TSTD2: variants seen among roughly 807,000 people sequenced by gnomAD.
TSTD2 encodes the protein thiosulfate sulfurtransferase/rhodanese-like domain-containing protein 2.
In TSTD2, 37 loss-of-function variants were observed where a neutral mutation model predicts 47.9. The ratio of observed to expected loss-of-function variants is 0.77; its 90% CI spans 0.59 to 1.02. The LOEUF is 1.02. Among genes scored for constraint, TSTD2 ranks in the 50% least tolerant of loss-of-function variants. TSTD2 has a pLI of 0.00. For missense variants in TSTD2, 586 were observed against 616.0 expected (o/e 0.95, Z 0.52); for synonymous variants, 201 against 215.9 (o/e 0.93, Z 0.61).
intron 4 of TSTD2, among the ~76,000 whole-genome samples, chr9:97,616,628 A>T (rs1826546395): frequency 1.3e-5 from 2 of 152,208 alleles, no homozygotes; most frequent in South Asian, 4.1e-4. Context: ...TGAAGTCATT[A>T]TCTGTTGGAA....
chr9:97,608,282 A>G (rs1347870867), intron 6 of TSTD2, among the ~76,000 whole-genome samples: 1 of 152,196 alleles, frequency 6.6e-6, no homozygotes, highest in Non-Finnish European at 1.5e-5. Flanking sequence ...CTATGATTGC[A>G]GTTGTTCTAC....
In TSTD2 at chr9:97,601,561, C is replaced by G. The variant is rs561607179; in HGVS notation, c.*908G>C. 387 of 988,378 alleles carry G rather than the reference C, an allele frequency of 3.9e-4. No homozygotes were observed. The highest frequency in any genetic ancestry group is 4.4e-4 in the Non-Finnish European group (365 of 831,884). 61.2% of individuals were successfully genotyped at this position (988,378 alleles called of 1,614,324 possible). ...GCCACATCTTTAAGGCCACCTCTGC[C>G]TCTATCAGATGAGCTGCTGGTCTAG... On this transcript the variant is annotated 3_prime_UTR_variant, in exon 10 of 10. Transcript: ENST00000341170.
intron 4 of TSTD2, among the ~76,000 whole-genome samples, chr9:97,613,148 T>A (rs1826485299): frequency 6.6e-6 from 1 of 152,184 alleles, no homozygotes; most frequent in Non-Finnish European, 1.5e-5. Flanking sequence ...TTTCTTTATA[T>A]GAATAAAAAG....
At chr9:97,632,237 T>C (rs945736300) in intron 1 of TSTD2, among the ~76,000 whole-genome samples, 5 of 152,126 alleles carry the variant, frequency 3.3e-5, no homozygotes, top group Admixed American at 2.0e-4. Context: ...CCAGAGACCT[T>C]CAGGTAAAGG....
At chr9:97,605,209 A>G (rs146667454) in intron 8 of TSTD2, among the ~76,000 whole-genome samples, 1 of 152,358 alleles carries the variant, frequency 6.6e-6, no homozygotes, top group Non-Finnish European at 1.5e-5. Context: ...CTCAGGATCA[A>G]GCAAAAGGAT....
intron 1 of TSTD2, among the ~76,000 whole-genome samples, chr9:97,630,014 T>G (rs1241196849): frequency 6.6e-6 from 1 of 152,238 alleles, no homozygotes; most frequent in Non-Finnish European, 1.5e-5. Flanking sequence ...CCTCCCCATA[T>G]GCTTACTATG....
At position 97,602,652 on chromosome 9, in the gene TSTD2, A is replaced by G. The variant is rs1296072799; in HGVS notation, c.1368T>C (p.Cys456=). ...TGCTCCCCTTGTCTTGACATGTGAC[A>G]CAACAGGCTGTGAATCCTTGTCCTT... ...ACQGQGFTAC[C]VTCQDKGSRK... is the part of the protein sequence containing the mutation. Residue 456 remains cysteine (C), a synonymous_variant, in exon 10 of 10, where the codon TGT becomes TGC. Transcript: ENST00000341170. The G allele has an allele frequency of 1.2e-6, 2 of 1,614,222 alleles. No homozygotes were observed. Among genetic ancestry groups the G allele is most frequent in the Non-Finnish European group, 1.7e-6 (2 of 1,180,036 alleles).
intron 3 of TSTD2, among the ~76,000 whole-genome samples, chr9:97,620,634 C>A (rs1039190648): frequency 6.6e-6 from 1 of 152,188 alleles, no homozygotes; most frequent in Non-Finnish European, 1.5e-5. Context: ...CAATGAACTT[C>A]AGGCTGAGGT....
intron 6 of TSTD2, among the ~76,000 whole-genome samples, chr9:97,608,518 C>G (rs563737889): frequency 9.4e-4 from 143 of 152,192 alleles, no homozygotes; most frequent in Middle Eastern, 6.8e-3. Flanking sequence ...CACTTGTAAT[C>G]CCAGCAACTT....
intron 3 of TSTD2, among the ~76,000 whole-genome samples, chr9:97,625,021 A>C (rs1392374082): frequency 6.6e-6 from 1 of 152,194 alleles, no homozygotes; most frequent in Non-Finnish European, 1.5e-5. Context: ...TCTTAAGTGT[A>C]AAGTTTGATC....
chr9:97,613,558 G>A (rs1826492850), intron 4 of TSTD2, among the ~76,000 whole-genome samples: 1 of 152,026 alleles, frequency 6.6e-6, no homozygotes, highest in South Asian at 2.1e-4. Context: ...AGAGTTGGTT[G>A]TTTTCGTACT....
chr9:97,607,567 T>C (rs983148057), intron 6 of TSTD2, among the ~76,000 whole-genome samples: 1 of 152,148 alleles, frequency 6.6e-6, no homozygotes, highest in African/African-American at 2.4e-5. Context: ...TGTCACACAA[T>C]TACATGGATA....
chr9:97,616,411 G>T (rs1364080633), intron 4 of TSTD2, among the ~76,000 whole-genome samples: 1 of 152,188 alleles, frequency 6.6e-6, no homozygotes, highest in Non-Finnish European at 1.5e-5. Context: ...CACCTTTTAG[G>T]ATCATTATGG....
At chr9:97,631,544 T>C (rs1826812005) in intron 1 of TSTD2, among the ~76,000 whole-genome samples, 2 of 152,078 alleles carry the variant, frequency 1.3e-5, no homozygotes, top group African/African-American at 4.8e-5. Context: ...TCTTCCTCCT[T>C]TGGGAGCATG....
chr9:97,601,295 A>G lies in TSTD2; in HGVS notation c.*1174T>C, dbSNP rs1341999680. The G allele has an allele frequency of 8.4e-7, 1 of 1,186,184 alleles. No individual in the cohort carries two copies. Among genetic ancestry groups the G allele is most frequent in the Non-Finnish European group, 1.1e-6 (1 of 933,366 alleles). The allele number at this position is 1,186,184 out of a possible 1,614,324, so 73.5% of individuals were successfully genotyped here. Reference sequence around the variant, plus strand: ...TTCTTGGAACCTGTGTGACAGGGACATGTGCCTGGCACACTGGCCAGAAGA... The same window carrying G: ...TTCTTGGAACCTGTGTGACAGGGACGTGTGCCTGGCACACTGGCCAGAAGA... On this transcript the variant is annotated 3_prime_UTR_variant, in exon 10 of 10. Coordinates refer to ENST00000341170, the MANE Select transcript of TSTD2 (RefSeq NM_139246.5).
chr9:97,605,000 C>G, intron 8 of TSTD2, 135 bp from the exon 9 acceptor site: 2 of 1,445,712 alleles, frequency 1.4e-6, no homozygotes, highest in Non-Finnish European at 1.8e-6. Flanking sequence ...GGGCTCCTGG[C>G]TCCCACTGCG....
chr9:97,609,983 G>A (rs1037268296), intron 6 of TSTD2, among the ~76,000 whole-genome samples: 2 of 152,232 alleles, frequency 1.3e-5, no homozygotes, highest in Admixed American at 6.5e-5. Flanking sequence ...GAAAACTGCT[G>A]TGGTGTTGAA....
intron 8 of TSTD2, 145 bp from the exon 9 acceptor site, chr9:97,605,010 G>A (rs918392497): frequency 5.2e-5 from 73 of 1,415,664 alleles, no homozygotes; most frequent in African/African-American, 4.3e-5. Flanking sequence ...CTCCCACTGC[G>A]GGACACTGAG....
intron 2 of TSTD2, among the ~76,000 whole-genome samples, chr9:97,626,892 G>C (rs1205065773): frequency 1.3e-5 from 2 of 149,876 alleles, no homozygotes; most frequent in African/African-American, 4.9e-5. Flanking sequence ...TTTAATGTTG[G>C]TCCAAATAAA....
Sources: gnomAD v4.1 joint callset for allele counts (sites outside exome capture counted in the v4.1 genomes callset) on GRCh38, gnomAD v4.1.1 for gene constraint, MANE v1.5 for transcripts, NCBI Gene and HGNC (gene_info 2026-07-23, HGNC 2026-07-21) for gene names.